Variants in CD8B2 observed in about 807,000 individuals in gnomAD.
The protein encoded by CD8B2 is T-cell surface glycoprotein CD8 beta-2 chain.
CD8B2 carries 11 observed loss-of-function variants against 23.7 expected under a neutral mutation model. The ratio of observed to expected loss-of-function variants is 0.46; its 90% CI spans 0.29 to 0.77. CD8B2 has a LOEUF of 0.77. Ranked by LOEUF, CD8B2 falls within the 30% of genes least tolerant of loss-of-function variation. The pLI is 0.09. For missense variants in CD8B2, 197 were observed against 270.5 expected (o/e 0.73, Z 1.91); for synonymous variants, 90 against 109.3 (o/e 0.82, Z 1.10).
chr2:106,525,991 C>T (rs1679900897), intron 5 of CD8B2, among the ~76,000 whole-genome samples: 1 of 152,170 alleles, frequency 6.6e-6, no homozygotes, highest in Non-Finnish European at 1.5e-5. Flanking sequence ...CCTGTAATTC[C>T]AGGACTTTGG....
In CD8B2 at chr2:106,507,287, G is replaced by T. The variant is rs1276455547; in HGVS notation, c.*347G>T. 1.8e-5 allele frequency: 20 copies of T among 1,092,184 alleles called. No individual in the cohort carries two copies. In the East Asian group the frequency reaches 1.0e-3, roughly 55 times the overall value. The allele number at this position is 1,092,184 out of a possible 1,614,324, so 67.7% of individuals were successfully genotyped here. A position where few individuals can be genotyped will look rare whatever the true frequency, so the allele number is the denominator to read the frequency against. ...GGCCGTTTAGCCACCATCTTTGCAA[G>T]TTGCTTTGCCCTGGTAGGGCAGTAA... On this transcript the variant is annotated 3_prime_UTR_variant, in exon 6 of 6. Coordinates refer to ENST00000643224, the MANE Select transcript of CD8B2 (RefSeq NM_001349727.2).
chr2:106,502,645 C>G (rs1447283634), intron 4 of CD8B2, 82 bp downstream of exon 4: 22 of 715,958 alleles, frequency 3.1e-5, no homozygotes, highest in Admixed American at 2.0e-4. Context: ...TCTAGGGGAG[C>G]AGAGCAGATG....
rs142808385 is a variant in CD8B2 at position 106,519,062 on chromosome 2, TCATC to T, written c.620+14762_620+14765del. Among the ~76,000 whole-genome samples the T allele has an allele frequency of 3.6e-3, 551 of 152,006 alleles. 2 individuals are homozygous for T. The highest frequency in any genetic ancestry group is 0.034 in the East Asian group (173 of 5,150). On this transcript the variant is annotated intron_variant, in intron 5 of 5. Coordinates refer to the CD8B2 transcript ENST00000416057. Reference sequence around the variant, plus strand: ...ATTCATTCCTCCATTCACTGCTCCATCATCCATCCATCCATCCATCCATCCATCT... The same window carrying T: ...ATTCATTCCTCCATTCACTGCTCCATCATCCATCCATCCATCCATCCATCT...
At chr2:106,519,139 A>G (rs1443243738) in intron 5 of CD8B2, among the ~76,000 whole-genome samples, 1 of 152,232 alleles carries the variant, frequency 6.6e-6, no homozygotes, top group Non-Finnish European at 1.5e-5. Context: ...TATTTTTAAT[A>G]GTACACTTAC....
chr2:106,517,816 C>A (rs534080333), intron 5 of CD8B2, among the ~76,000 whole-genome samples: 8 of 151,972 alleles, frequency 5.3e-5, no homozygotes, highest in Non-Finnish European at 1.0e-4. Flanking sequence ...GGGTTCACGC[C>A]GTTCTCCTGC....
At chr2:106,506,018 C>T (rs1207610638) in intron 5 of CD8B2, among the ~76,000 whole-genome samples, 1 of 152,100 alleles carries the variant, frequency 6.6e-6, no homozygotes, top group African/African-American at 2.4e-5. Flanking sequence ...CTATGTAATC[C>T]CAGCTACTCA....
intron 5 of CD8B2, among the ~76,000 whole-genome samples, chr2:106,536,806 T>C (rs1441973074): frequency 6.6e-6 from 1 of 152,180 alleles, no homozygotes; most frequent in African/African-American, 2.4e-5. Context: ...GTGTGATGTG[T>C]TGAAGACAGA....
downstream of CD8B2, among the ~76,000 whole-genome samples, chr2:106,513,431 C>A (rs1431448494): frequency 6.6e-6 from 1 of 151,832 alleles, no homozygotes; most frequent in East Asian, 1.9e-4. Flanking sequence ...CCGGGTGATG[C>A]CAACACAAGC....
chr2:106,532,875 T>C (rs1345410293), intron 5 of CD8B2, among the ~76,000 whole-genome samples: 1 of 152,246 alleles, frequency 6.6e-6, no homozygotes, highest in Non-Finnish European at 1.5e-5. Flanking sequence ...TCTCATTCTT[T>C]GACTTTGAAT....
At chr2:106,489,485 A>G (rs1679149584) in intron 1 of CD8B2, among the ~76,000 whole-genome samples, 1 of 152,082 alleles carries the variant, frequency 6.6e-6, no homozygotes, top group Non-Finnish European at 1.5e-5. Context: ...GGGCACACAC[A>G]CATGCCCTCT....
intron 5 of CD8B2, among the ~76,000 whole-genome samples, chr2:106,527,803 C>CA (rs1164963595): frequency 1.2e-4 from 3 of 25,816 alleles, no homozygotes; most frequent in Non-Finnish European, 2.3e-4. Flanking sequence ...CAAAACAAAA[C>CA]AAAAAACAAA....
At chr2:106,505,582 G>A (rs1679488723) in intron 5 of CD8B2, among the ~76,000 whole-genome samples, 1 of 152,098 alleles carries the variant, frequency 6.6e-6, no homozygotes, top group African/African-American at 2.4e-5. Flanking sequence ...TGCAGCAACG[G>A]ACAAACAAAA....
chr2:106,530,686 G>A (rs1558886178), intron 5 of CD8B2, among the ~76,000 whole-genome samples: 1 of 152,166 alleles, frequency 6.6e-6, no homozygotes, highest in Admixed American at 6.5e-5. Flanking sequence ...GACCTGCTAG[G>A]CTGCATTCCC....
chr2:106,504,235 C>A, intron 4 of CD8B2, 54 bp from the exon 5 acceptor site: 1 of 1,552,664 alleles, frequency 6.4e-7, no homozygotes, highest in Non-Finnish European at 8.7e-7. Context: ...CTCTGGGGCT[C>A]AGCACAGTGA....
At chr2:106,524,299 G>A (rs1044370975) in intron 5 of CD8B2, among the ~76,000 whole-genome samples, 2 of 152,178 alleles carry the variant, frequency 1.3e-5, no homozygotes, top group African/African-American at 4.8e-5. Flanking sequence ...TCATGCTCTT[G>A]TTTCTGATGC....
downstream of CD8B2, among the ~76,000 whole-genome samples, chr2:106,512,458 A>G (rs1224815150): frequency 6.6e-6 from 1 of 150,922 alleles, no homozygotes; most frequent in Non-Finnish European, 1.5e-5. Context: ...TCTGCACTCA[A>G]TTCTCCTCTT....
At chr2:106,538,206 T>A (rs890240853) in intron 5 of CD8B2, 1 of 152,082 alleles carries the variant, frequency 6.6e-6, no homozygotes, top group African/African-American at 2.4e-5. Context: ...AAATAACACT[T>A]GCCAGTGATT....
chr2:106,518,310 A>T (rs951976444), intron 5 of CD8B2, among the ~76,000 whole-genome samples: 1 of 152,206 alleles, frequency 6.6e-6, no homozygotes, highest in Non-Finnish European at 1.5e-5. Context: ...GTTACAAAGC[A>T]ATCAGTCAGT....
At chr2:106,539,547 G>A (rs1558888735) in intron 5 of CD8B2, among the ~76,000 whole-genome samples, 1 of 152,144 alleles carries the variant, frequency 6.6e-6, no homozygotes, top group East Asian at 1.9e-4. Flanking sequence ...GAATTAGGGG[G>A]CCACACGGGG....
Sources: allele counts gnomAD v4.1 joint callset (sites outside exome capture counted in the v4.1 genomes callset), GRCh38; gene constraint gnomAD v4.1.1; transcripts MANE v1.5; gene names NCBI Gene and HGNC (gene_info 2026-07-23, HGNC 2026-07-21).